The following KCNH1 variants were observed in gnomAD, a reference collection of about 807,000 sequenced individuals.
KCNH1 encodes voltage-gated delayed rectifier potassium channel KCNH1.
KCNH1 carries 27 observed loss-of-function variants against 69.2 expected under a neutral mutation model. The ratio of observed to expected loss-of-function variants is 0.39; its 90% CI spans 0.29 to 0.54. The LOEUF is 0.54. Among genes scored for constraint, KCNH1 ranks in the 20% least tolerant of loss-of-function variants. The pLI, the probability that KCNH1 is intolerant of heterozygous loss-of-function variation, is 0.68. For missense variants in KCNH1, 798 were observed against 1,261.6 expected (o/e 0.63, Z 5.57); for synonymous variants, 456 against 487.7 (o/e 0.93, Z 0.86).
At chr1:211,002,296 ATAT>A (rs1689199625) in intron 6 of KCNH1, among the ~76,000 whole-genome samples, 2 of 146,690 alleles carry the variant, frequency 1.4e-5, no homozygotes, top group African/African-American at 2.5e-5. Flanking sequence ...ATACATGTAT[ATAT>A]GTATACATGT....
chr1:210,709,295 G>A (rs764428610), intron 10 of KCNH1, among the ~76,000 whole-genome samples: 1 of 152,208 alleles, frequency 6.6e-6, no homozygotes, highest in East Asian at 1.9e-4. Context: ...TGCATACACG[G>A]ATGTGTTGAT....
At chr1:210,984,710 A>G (rs1340840769) in intron 6 of KCNH1, among the ~76,000 whole-genome samples, 1 of 151,996 alleles carries the variant, frequency 6.6e-6, no homozygotes, top group East Asian at 1.9e-4. Flanking sequence ...GGATTTTTGC[A>G]TCAATGTTCC....
intron 5 of KCNH1, among the ~76,000 whole-genome samples, chr1:211,051,889 T>C (rs1454696626): frequency 6.6e-6 from 1 of 152,136 alleles, no homozygotes; most frequent in Non-Finnish European, 1.5e-5. Context: ...TGGAATGTAG[T>C]GGAGCTTTGG....
intron 9 of KCNH1, among the ~76,000 whole-genome samples, chr1:210,777,102 C>G (rs960264179): frequency 2.0e-5 from 3 of 152,206 alleles, no homozygotes; most frequent in Non-Finnish European, 1.5e-5. Context: ...AGCTCCACAG[C>G]TGAAATCAAA....
chr1:210,840,282 C>T (rs1003425680), intron 7 of KCNH1, among the ~76,000 whole-genome samples: 1 of 150,278 alleles, frequency 6.7e-6, no homozygotes, highest in Non-Finnish European at 1.5e-5. Flanking sequence ...TAAAACAAAA[C>T]AAAACAAAAA....
At chr1:210,718,304 GTA>G (rs1329631933) in intron 10 of KCNH1, among the ~76,000 whole-genome samples, 2 of 127,312 alleles carry the variant, frequency 1.6e-5, no homozygotes, top group South Asian at 2.4e-4. Context: ...ATAAATATAT[GTA>G]TATATGTGTA....
intron 7 of KCNH1, among the ~76,000 whole-genome samples, chr1:210,895,173 T>C (rs1686838830): frequency 1.3e-5 from 2 of 152,052 alleles, no homozygotes; most frequent in East Asian, 3.9e-4. Context: ...TTTTTTTTTT[T>C]TCAGGCAAGA....
intron 5 of KCNH1, among the ~76,000 whole-genome samples, chr1:211,060,464 T>C (rs1690415866): frequency 8.6e-6 from 1 of 116,376 alleles, no homozygotes; most frequent in Admixed American, 8.3e-5. Flanking sequence ...CTAAAATCAG[T>C]AGAAGAAATA....
intron 7 of KCNH1, among the ~76,000 whole-genome samples, chr1:210,843,662 A>T (rs1477686577): frequency 1.3e-5 from 2 of 152,188 alleles, no homozygotes; most frequent in Non-Finnish European, 2.9e-5. Context: ...TCACAGGATC[A>T]TGTCCATTTA....
At chr1:210,860,938 A>T in intron 7 of KCNH1, 1 of 953,644 alleles carries the variant, frequency 1.0e-6, no homozygotes, top group Non-Finnish European at 1.7e-6. Flanking sequence ...ATCATTACAG[A>T]TCTTTTTCTT....
intron 7 of KCNH1, among the ~76,000 whole-genome samples, chr1:210,896,658 C>T (rs1686874487): frequency 6.6e-6 from 1 of 152,146 alleles, no homozygotes; most frequent in African/African-American, 2.4e-5. Context: ...CTTTCCAGAA[C>T]ATTCTGGGTT....
At chr1:210,741,204 T>C (rs1472895308) in intron 10 of KCNH1, among the ~76,000 whole-genome samples, 7 of 152,182 alleles carry the variant, frequency 4.6e-5, no homozygotes, top group Admixed American at 4.6e-4. Context: ...TCCATGATAG[T>C]GAAGACATAA....
intron 1 of KCNH1, among the ~76,000 whole-genome samples, chr1:211,128,703 A>G (rs1010833610): frequency 6.6e-6 from 1 of 152,224 alleles, no homozygotes; most frequent in Admixed American, 6.5e-5. Flanking sequence ...TGAACAATTA[A>G]AAAGGTTAAA....
chr1:210,790,244 C>T (rs1227913757), intron 9 of KCNH1, among the ~76,000 whole-genome samples: 1 of 152,244 alleles, frequency 6.6e-6, no homozygotes, highest in African/African-American at 2.4e-5. Context: ...TCCAGACCCA[C>T]AGGGTCCAAG....
At chr1:210,783,070 A>C (rs1408280251) in intron 9 of KCNH1, among the ~76,000 whole-genome samples, 1 of 152,250 alleles carries the variant, frequency 6.6e-6, no homozygotes, top group Non-Finnish European at 1.5e-5. Context: ...GGTTCAATAA[A>C]TAGTAGCCAC....
chr1:211,007,608 T>G (rs974095621), intron 6 of KCNH1, among the ~76,000 whole-genome samples: 3 of 152,048 alleles, frequency 2.0e-5, no homozygotes, highest in Non-Finnish European at 4.4e-5. Context: ...CTCCTACAAT[T>G]CTCCTAATCA....
chr1:210,811,997 T>G (rs562973739), intron 7 of KCNH1, among the ~76,000 whole-genome samples: 6 of 152,314 alleles, frequency 3.9e-5, no homozygotes, highest in African/African-American at 1.4e-4. Context: ...TGGTAGGTCA[T>G]GAGTGGGCCC....
intron 10 of KCNH1, among the ~76,000 whole-genome samples, chr1:210,695,827 A>G (rs182636324): frequency 6.6e-6 from 1 of 152,322 alleles, no homozygotes; most frequent in Admixed American, 6.5e-5. Context: ...ATTAGCACCA[A>G]GTCCACCCTC....
intron 6 of KCNH1, among the ~76,000 whole-genome samples, chr1:211,002,029 G>A (rs1032511792): frequency 6.6e-6 from 1 of 151,640 alleles, no homozygotes; most frequent in Non-Finnish European, 1.5e-5. Context: ...GGGGGAGTGG[G>A]GGGGGATAGC....
Sources: gnomAD v4.1 joint callset for allele counts (sites outside exome capture counted in the v4.1 genomes callset) on GRCh38, gnomAD v4.1.1 for gene constraint, MANE v1.5 for transcripts, NCBI Gene and HGNC (gene_info 2026-07-23, HGNC 2026-07-21) for gene names.